Variants in TRAPPC2 observed in about 807,000 individuals in gnomAD.
TRAPPC2 encodes sedlin.
A neutral mutation model predicts 10.0 loss-of-function variants in TRAPPC2; 4 were observed. The ratio of observed to expected loss-of-function variants is 0.40; its 90% CI spans 0.20 to 0.92. The LOEUF is 0.92. Among genes scored for constraint, TRAPPC2 ranks in the 40% least tolerant of loss-of-function variants. TRAPPC2 has a pLI of 0.35. For synonymous variants in TRAPPC2, 36 were observed against 37.3 expected (o/e 0.97, Z 0.12); for missense variants, 52 against 108.7 (o/e 0.48, Z 2.32).
chrX:13,713,490 A>G lies in TRAPPC2; in HGVS notation c.*917T>C, dbSNP rs1249460673. ...CAAAAAACAAAAACAAAAACCCACA[A>G]AAAACCAAAAAGCTTATTCCCAATT... On this transcript the variant is annotated 3_prime_UTR_variant, in exon 6 of 6. Coordinates refer to ENST00000380579, the MANE Select transcript of TRAPPC2 (RefSeq NM_001011658.4). 1 of 109,135 alleles carries G rather than the reference A, an allele frequency of 9.2e-6. No individual in the cohort carries two copies. The highest frequency in any genetic ancestry group is 3.3e-5 in the African/African-American group (1 of 29,912). 9.0% of individuals were successfully genotyped at this position (109,135 alleles called of 1,213,427 possible).
At chrX:13,716,123 T>C (rs764405087) in intron 4 of TRAPPC2, 34 bp from the exon 5 acceptor site, 1 of 1,156,285 alleles carries the variant, frequency 8.6e-7, no homozygotes, top group Non-Finnish European at 1.2e-6. Context: ...TTCTTAGAAA[T>C]GAAAAACAAA....
At chrX:13,722,715 C>A (rs760086200) in intron 2 of TRAPPC2, among the ~76,000 whole-genome samples, 5 of 111,986 alleles carry the variant, frequency 4.5e-5, no homozygotes, top group African/African-American at 1.6e-4. Context: ...TCTGCGAGGA[C>A]AGAAATGTTC....
At chrX:13,720,260 A>G (rs2088616866) in intron 2 of TRAPPC2, 1 of 174,423 alleles carries the variant, frequency 5.7e-6, no homozygotes, top group South Asian at 1.7e-4. Flanking sequence ...TCATGATCTG[A>G]AAATATGGCT....
At chrX:13,722,808 A>G (rs1279391432) in intron 2 of TRAPPC2, among the ~76,000 whole-genome samples, 1 of 111,949 alleles carries the variant, frequency 8.9e-6, no homozygotes, top group African/African-American at 3.3e-5. Flanking sequence ...TCACGCCTGT[A>G]ATCCCAGCAC....
In TRAPPC2 at chrX:13,713,881, CA is replaced by C. The variant is rs2046249287; in HGVS notation, c.*525del. On this transcript the variant is annotated 3_prime_UTR_variant, in exon 6 of 6. Transcript: ENST00000380579. ...TATTTCATGGTTGGGCACGGTGGCT[CA>C]CGCCTGTAATCCCAGTACTTTGGGA... 1 of 109,394 alleles carries C rather than the reference CA, an allele frequency of 9.1e-6. No homozygotes were observed. The highest frequency in any genetic ancestry group is 1.9e-5 in the Non-Finnish European group (1 of 52,668). 9.0% of individuals were successfully genotyped at this position (109,394 alleles called of 1,213,427 possible).
rs1482139862 is a variant in TRAPPC2 at position 13,712,255 on chromosome X, ATCTT to A, written c.*2148_*2151del. On this transcript the variant is annotated 3_prime_UTR_variant, in exon 6 of 6. Coordinates refer to ENST00000380579, the MANE Select transcript of TRAPPC2 (RefSeq NM_001011658.4). Reference sequence around the variant, plus strand: ...TAAACTACCACGATCTTGAGCAAACATCTTTATTTAAGAAATCAAATAGGGTAAA... The same window carrying A: ...TAAACTACCACGATCTTGAGCAAACATATTTAAGAAATCAAATAGGGTAAA... 8.9e-6 allele frequency: 1 copy of A among 112,031 alleles called. No individual in the cohort carries two copies. Among genetic ancestry groups the A allele is most frequent in the East Asian group, 2.8e-4 (1 of 3,607 alleles). The allele number at this position is 112,031 out of a possible 1,213,427, so 9.2% of individuals were successfully genotyped here.
In TRAPPC2 at chrX:13,734,030, G is replaced by A. The variant is rs1222936231; in HGVS notation, c.-20+14C>T. The stretch of plus-strand genomic sequence containing the variant: ...CTTTCTAATTACATTTAAGCATCAT[G>A]AGGACTGGCTCACCTTTACCTCACA... On this transcript the variant is annotated intron_variant, in intron 2 of 5. Transcript: ENST00000380579. The A allele has an allele frequency of 7.8e-6, 4 of 514,683 alleles. No individual in the cohort carries two copies. The South Asian group carries it at 9.8e-5, about 13-fold the overall frequency. 42.4% of individuals were successfully genotyped at this position (514,683 alleles called of 1,213,427 possible). A position where few individuals can be genotyped will look rare whatever the true frequency, so the allele number is the denominator to read the frequency against.
At position 13,734,605 on chromosome X, in the gene TRAPPC2, C is replaced by G. The variant is rs2046772282; in HGVS notation, c.-242G>C. ...GCGCCCCGAACCTGTAGCCAGAACG[C>G]CGAAGCAGTTCTCGCGATACCCTGG... On this transcript the variant is annotated 5_prime_UTR_variant, in exon 1 of 6. Coordinates refer to ENST00000380579, the MANE Select transcript of TRAPPC2 (RefSeq NM_001011658.4). 1 of 747,885 alleles carries G rather than the reference C, an allele frequency of 1.3e-6. No individual in the cohort carries two copies. Among genetic ancestry groups the G allele is most frequent in the Admixed American group, 6.2e-5 (1 of 16,001 alleles). The allele number at this position is 747,885 out of a possible 1,213,427, so 61.6% of individuals were successfully genotyped here.
Position 13,714,259 on chromosome X carries a change from T to C in TRAPPC2, c.*148A>G, listed in dbSNP as rs1168412027. 3 of 345,112 alleles carry C rather than the reference T, an allele frequency of 8.7e-6. No individual in the cohort carries two copies. The highest frequency in any genetic ancestry group is 1.5e-5 in the Non-Finnish European group (3 of 193,845). The allele number at this position is 345,112 out of a possible 1,213,427, so 28.4% of individuals were successfully genotyped here. A position where few individuals can be genotyped will look rare whatever the true frequency, so the allele number is the denominator to read the frequency against. ...CGTGACATGAGACAGAATGTACTAT[T>C]TTTAAATATAAAAGGAATTTCATTA... On this transcript the variant is annotated 3_prime_UTR_variant, in exon 6 of 6. Coordinates refer to ENST00000380579, the MANE Select transcript of TRAPPC2 (RefSeq NM_001011658.4).
chrX:13,734,126 AG>A lies in TRAPPC2; in HGVS notation c.-103del. 1.9e-6 allele frequency: 1 copy of A among 512,926 alleles called. No homozygotes were observed. The highest frequency in any genetic ancestry group is 2.7e-5 in the Admixed American group (1 of 37,663). The allele number at this position is 512,926 out of a possible 1,213,427, so 42.3% of individuals were successfully genotyped here. On this transcript the variant is annotated 5_prime_UTR_variant, in exon 2 of 6. An upstream open reading frame in the 5' UTR loses its in-frame stop. Coordinates refer to ENST00000380579, the MANE Select transcript of TRAPPC2 (RefSeq NM_001011658.4). ...AACCCGGAGCGATCTTGCTTCCAAG[AG>A]GACATCTGGCAATATCTGGAGACAT...
chrX:13,734,284 C>T (rs2046755920), intron 1 of TRAPPC2, 99 bp from the exon 2 acceptor site: 2 of 362,098 alleles, frequency 5.5e-6, no homozygotes, highest in Middle Eastern at 1.5e-3. Flanking sequence ...ACAGTGCAGC[C>T]GTTAAGAAAC....
At chrX:13,717,058 A>C (rs1353944572) in intron 3 of TRAPPC2, among the ~76,000 whole-genome samples, 6 of 106,001 alleles carry the variant, frequency 5.7e-5, no homozygotes, top group Middle Eastern at 9.6e-3. Flanking sequence ...AAAAAAAAAA[A>C]AAAAAACAAG....
intron 2 of TRAPPC2, among the ~76,000 whole-genome samples, chrX:13,732,336 A>G (rs1359771454): frequency 8.9e-6 from 1 of 111,816 alleles, no homozygotes; most frequent in East Asian, 2.8e-4. Context: ...AGTAGGGGAG[A>G]CCTTTTTGGG....
In TRAPPC2 at chrX:13,714,267, A is replaced by T; in HGVS notation, c.*140T>A. The T allele has an allele frequency of 8.6e-6, 3 of 347,980 alleles. No individual in the cohort carries two copies. The highest frequency in any genetic ancestry group is 5.3e-5 in the Admixed American group (1 of 18,722). 28.7% of individuals were successfully genotyped at this position (347,980 alleles called of 1,213,427 possible). ...GAGACAGAATGTACTATTTTTAAAT[A>T]TAAAAGGAATTTCATTAGGTTTAGA... On this transcript the variant is annotated 3_prime_UTR_variant, in exon 6 of 6. Coordinates refer to ENST00000380579, the MANE Select transcript of TRAPPC2 (RefSeq NM_001011658.4).
intron 2 of TRAPPC2, among the ~76,000 whole-genome samples, chrX:13,725,078 A>G (rs2046515500): frequency 8.8e-6 from 1 of 113,103 alleles, no homozygotes; most frequent in African/African-American, 3.2e-5. Context: ...AGGCTTCAGT[A>G]GGTAAACAAG....
intron 2 of TRAPPC2, chrX:13,720,455 C>A (rs894424192): frequency 8.9e-6 from 1 of 112,132 alleles, no homozygotes; most frequent in African/African-American, 3.2e-5. Flanking sequence ...CAGGAGGCAT[C>A]CGTCGGGGGA....
At chrX:13,721,185 G>A (rs915819691) in intron 2 of TRAPPC2, 2 of 111,631 alleles carry the variant, frequency 1.8e-5, no homozygotes, top group Admixed American at 9.5e-5. Flanking sequence ...GTAACCCCAC[G>A]GTGTGTATTT....
At chrX:13,720,090 A>G (rs2046376245) in intron 2 of TRAPPC2, 108 bp from the exon 3 acceptor site, 4 of 553,042 alleles carry the variant, frequency 7.2e-6, no homozygotes, top group Non-Finnish European at 1.1e-5. Context: ...GACATTGTAG[A>G]GGAAGATGCT....
intron 5 of TRAPPC2, among the ~76,000 whole-genome samples, chrX:13,714,713 G>A (rs2046260540): frequency 8.9e-6 from 1 of 112,325 alleles, no homozygotes; most frequent in African/African-American, 3.2e-5. Flanking sequence ...AGAAGTATCT[G>A]TGGCAAAACT....
Sources: allele counts gnomAD v4.1 joint callset (sites outside exome capture counted in the v4.1 genomes callset), GRCh38; gene constraint gnomAD v4.1.1; transcripts MANE v1.5; gene names NCBI Gene and HGNC (gene_info 2026-07-23, HGNC 2026-07-21).